Variants in PTPN9 observed in about 807,000 individuals in gnomAD.
PTPN9 encodes the protein tyrosine-protein phosphatase non-receptor type 9.
PTPN9 carries 26 observed loss-of-function variants against 69.8 expected under a neutral mutation model. That is an observed-to-expected ratio of 0.37 (90% CI 0.27 to 0.52). PTPN9 has a LOEUF of 0.52. Ranked by LOEUF, PTPN9 falls within the 20% of genes least tolerant of loss-of-function variation. The probability of loss-of-function intolerance (pLI) is 0.91; values close to 1 mark genes in which losing one functional copy is unlikely to be tolerated. For synonymous variants in PTPN9, 274 were observed against 272.5 expected, an observed-to-expected ratio of 1.01 and a Z score of -0.05; for missense variants, 549 against 740.3, an observed-to-expected ratio of 0.74 and a Z score of 3.00.
chr15:75,476,276 G>A (rs989437998), intron 9 of PTPN9, among the ~76,000 whole-genome samples: 1 of 152,168 alleles, frequency 6.6e-6, no homozygotes, highest in Non-Finnish European at 1.5e-5. Flanking sequence ...AATGAAACAA[G>A]AGATAGTATA....
intron 1 of PTPN9, among the ~76,000 whole-genome samples, chr15:75,571,173 T>C (rs1310126240): frequency 6.6e-6 from 1 of 152,016 alleles, no homozygotes; most frequent in African/African-American, 2.4e-5. Flanking sequence ...GGCAGGAGAA[T>C]TGCTTGAACC....
intron 5 of PTPN9, 63 bp downstream of exon 5, chr15:75,517,196 A>C (rs2074874965): frequency 8.0e-7 from 1 of 1,244,404 alleles, no homozygotes; most frequent in Non-Finnish European, 1.1e-6. Context: ...TTCCCAAAGA[A>C]TTAAAAAAAT....
chr15:75,494,189 C>T (rs928146292), intron 7 of PTPN9, among the ~76,000 whole-genome samples: 5 of 148,950 alleles, frequency 3.4e-5, no homozygotes, highest in East Asian at 1.9e-4. Context: ...AGAGAGAGCG[C>T]GAGCGAGAAC....
At chr15:75,573,783 T>C (rs2075159542) in intron 1 of PTPN9, among the ~76,000 whole-genome samples, 1 of 152,242 alleles carries the variant, frequency 6.6e-6, no homozygotes, top group African/African-American at 2.4e-5. Flanking sequence ...TAGAGCTTGC[T>C]TGCAGTCATG....
At chr15:75,569,573 C>A (rs188897629) in intron 1 of PTPN9, among the ~76,000 whole-genome samples, 1 of 148,514 alleles carries the variant, frequency 6.7e-6, no homozygotes, top group Non-Finnish European at 1.5e-5. Context: ...GGCGTGGTGG[C>A]GGGCACCTGT....
chr15:75,504,261 G>GGGA, intron 7 of PTPN9, among the ~76,000 whole-genome samples: 1 of 137,426 alleles, frequency 7.3e-6, no homozygotes, highest in African/African-American at 2.7e-5. Flanking sequence ...GGGAGGTGAG[G>GGGA]TCAGCCCCCT....
At chr15:75,571,694 A>G (rs548572002) in intron 1 of PTPN9, among the ~76,000 whole-genome samples, 2 of 152,024 alleles carry the variant, frequency 1.3e-5, no homozygotes, top group East Asian at 3.9e-4. Flanking sequence ...CAGGATATAG[A>G]GACCATCATG....
intron 8 of PTPN9, chr15:75,487,865 G>A (rs1192269116): frequency 6.6e-6 from 1 of 152,202 alleles, no homozygotes; most frequent in Admixed American, 6.5e-5. Flanking sequence ...AAGGCAGTAA[G>A]TTTTCCAAAA....
Position 75,467,497 on chromosome 15 carries a change from C to T in PTPN9, c.*1272G>A, listed in dbSNP as rs1349712229. On this transcript the variant is annotated 3_prime_UTR_variant, in exon 13 of 13. Transcript: ENST00000618819. Reference sequence around the variant, plus strand: ...AGTGATTGCAGGGGACCACCTCACTCAGCCAGGGGGTGAAGCTTTTTATTG... The same window carrying T: ...AGTGATTGCAGGGGACCACCTCACTTAGCCAGGGGGTGAAGCTTTTTATTG... 2.6e-5 allele frequency: 4 copies of T among 152,404 alleles called. No individual in the cohort carries two copies. The highest frequency in any genetic ancestry group is 2.9e-5 in the Non-Finnish European group (2 of 68,032). The allele number at this position is 152,404 out of a possible 1,614,324, so 9.4% of individuals were successfully genotyped here. A position where few individuals can be genotyped will look rare whatever the true frequency, so the allele number is the denominator to read the frequency against.
At chr15:75,530,833 ATT>A (rs2074960246) in intron 1 of PTPN9, among the ~76,000 whole-genome samples, 1 of 101,522 alleles carries the variant, frequency 9.9e-6, no homozygotes, top group African/African-American at 3.8e-5. Flanking sequence ...TATAATATAT[ATT>A]ATAATATATT....
intron 4 of PTPN9, among the ~76,000 whole-genome samples, chr15:75,520,420 C>T (rs754170808): frequency 1.3e-5 from 2 of 150,764 alleles, no homozygotes; most frequent in Non-Finnish European, 2.9e-5. Flanking sequence ...GTAAGATTTT[C>T]ACACTTTAGG....
Position 75,469,898 on chromosome 15 carries a change from G to T in PTPN9, c.1461C>A (p.Val487=). 1 of 1,614,186 alleles carries T rather than the reference G, an allele frequency of 6.2e-7. No individual in the cohort carries two copies. The highest frequency in any genetic ancestry group is 8.5e-7 in the Non-Finnish European group (1 of 1,180,026). Residue 487 remains valine, a synonymous_variant, in exon 12 of 13, where the codon GTC becomes GTA. Coordinates refer to ENST00000618819, the MANE Select transcript of PTPN9 (RefSeq NM_002833.4). ...AASLIDFLRV[V]RNQQSLAVSN... ...TCACAGCCAGACTCTGCTGGTTTCTGACCACTCTCAAGAAGTCAATGAGGG... is the reference window on the plus strand; with the variant it reads ...TCACAGCCAGACTCTGCTGGTTTCTTACCACTCTCAAGAAGTCAATGAGGG...
chr15:75,503,592 G>T (rs2074789305), intron 7 of PTPN9, among the ~76,000 whole-genome samples: 1 of 140,280 alleles, frequency 7.1e-6, no homozygotes, highest in African/African-American at 2.6e-5. Context: ...CGGGAGGGAG[G>T]TGGGGGGGTC....
chr15:75,492,730 GT>G (rs2074717921), intron 7 of PTPN9, among the ~76,000 whole-genome samples: 1 of 152,142 alleles, frequency 6.6e-6, no homozygotes, highest in African/African-American at 2.4e-5. Flanking sequence ...GCTTGTTTTT[GT>G]TTTTGTTCAT....
chr15:75,512,765 G>T (rs1236133694), intron 5 of PTPN9: 2 of 263,704 alleles, frequency 7.6e-6, no homozygotes, highest in Admixed American at 3.9e-5. Context: ...CCCCAGAAAA[G>T]ACGCTATTCT....
intron 8 of PTPN9, among the ~76,000 whole-genome samples, chr15:75,489,116 G>A (rs933366761): frequency 2.0e-5 from 3 of 148,224 alleles, no homozygotes; most frequent in Non-Finnish European, 3.0e-5. Flanking sequence ...TGGAGCTTGC[G>A]GTGAGCCAAT....
At chr15:75,477,844 T>A (rs2074605057) in intron 9 of PTPN9, among the ~76,000 whole-genome samples, 1 of 143,140 alleles carries the variant, frequency 7.0e-6, no homozygotes, top group African/African-American at 2.6e-5. Flanking sequence ...TTTTTTTTTT[T>A]TTTTTTTTTT....
chr15:75,564,927 C>A lies in PTPN9; in HGVS notation c.63+13787G>T, dbSNP rs983752187. Among the ~76,000 whole-genome samples the A allele has an allele frequency of 5.3e-5, 8 of 151,876 alleles. No homozygotes were observed. In the East Asian group the frequency reaches 1.4e-3, roughly 26 times the overall value. ...GACCAGCCTGACCAACATGGTGAAACCCCGTCTCTACTAAAAATACAAAAA... is the reference window on the plus strand; with the variant it reads ...GACCAGCCTGACCAACATGGTGAAAACCCGTCTCTACTAAAAATACAAAAA... On this transcript the variant is annotated intron_variant, in intron 1 of 12. Coordinates refer to ENST00000618819, the MANE Select transcript of PTPN9 (RefSeq NM_002833.4).
At position 75,504,722 on chromosome 15, in the gene PTPN9, G is replaced by T. The variant is rs2074806146; in HGVS notation, c.968+953C>A. Among the ~76,000 whole-genome samples, 9 of 145,788 alleles carry T rather than the reference G, an allele frequency of 6.2e-5. 1 individual carries two copies. In the South Asian group the frequency reaches 1.9e-3, roughly 32 times the overall value. On this transcript the variant is annotated intron_variant, in intron 7 of 12. Transcript: ENST00000618819. The stretch of plus-strand genomic sequence containing the variant: ...CAGCCCCCCGCCCGGGAGGTGAGGG[G>T]CGCCTCTGCCCGGCCGCCCCTACTG...
Sources: gnomAD v4.1 joint callset for allele counts (sites outside exome capture counted in the v4.1 genomes callset) on GRCh38, gnomAD v4.1.1 for gene constraint, MANE v1.5 for transcripts, NCBI Gene and HGNC (gene_info 2026-07-23, HGNC 2026-07-21) for gene names.